The following FRMPD4 variants were observed in gnomAD, a reference collection of about 807,000 sequenced individuals.
FRMPD4 encodes FERM and PDZ domain containing 4.
Under a neutral mutation model 94.1 loss-of-function variants are expected in FRMPD4, and 22 were observed. The ratio of observed to expected loss-of-function variants is 0.23; its 90% CI spans 0.17 to 0.33. The LOEUF (loss-of-function observed/expected upper bound fraction) is 0.33, where lower values mean the gene tolerates loss of function less well. Ranked by LOEUF, FRMPD4 falls within the 10% of genes least tolerant of loss-of-function variation. FRMPD4 has a pLI of 1.00. For synonymous variants in FRMPD4, 631 were observed against 548.6 expected, an observed-to-expected ratio of 1.15 and a Z score of -2.10; for missense variants, 1,111 against 1,339.9, an observed-to-expected ratio of 0.83 and a Z score of 2.67.
At position 12,534,702 on chromosome X, in the gene FRMPD4, G is replaced by A. The variant is rs779415481; in HGVS notation, c.158+35906G>A. 4.9e-3 allele frequency among the ~76,000 whole-genome samples: 553 copies of A among 112,672 alleles called. 5 individuals carry two copies. Among genetic ancestry groups the A allele is most frequent in the African/African-American group, 0.017 (513 of 31,070 alleles). Reference sequence around the variant, plus strand: ...CTTGCATGGGGCCTGTAGCCCCCGTGTTCTGGCCAATTTCTCCCATTTGGG... The same window carrying A: ...CTTGCATGGGGCCTGTAGCCCCCGTATTCTGGCCAATTTCTCCCATTTGGG... On this transcript the variant is annotated intron_variant, in intron 2 of 16. Coordinates refer to ENST00000675598, the MANE Select transcript of FRMPD4 (RefSeq NM_001368397.1).
intron 3 of FRMPD4, among the ~76,000 whole-genome samples, chrX:11,913,802 C>T (rs980405301): frequency 4.5e-5 from 5 of 111,668 alleles, no homozygotes; most frequent in African/African-American, 1.6e-4. Context: ...CAAGAATTTC[C>T]CTGTAGCTAT....
At chrX:12,409,762 G>A (rs2148064630) in intron 1 of FRMPD4, among the ~76,000 whole-genome samples, 1 of 112,073 alleles carries the variant, frequency 8.9e-6, no homozygotes, top group African/African-American at 3.2e-5. Context: ...GAAGGAATTA[G>A]TCCATAAAAT....
intron 3 of FRMPD4, among the ~76,000 whole-genome samples, chrX:12,075,020 A>G (rs1438774024): frequency 8.9e-6 from 1 of 112,240 alleles, no homozygotes; most frequent in Non-Finnish European, 1.9e-5. Context: ...TGGCTAGATC[A>G]TGTCTCCAAT....
chrX:12,452,779 C>G (rs772969615), intron 1 of FRMPD4, among the ~76,000 whole-genome samples: 12 of 111,971 alleles, frequency 1.1e-4, no homozygotes, highest in African/African-American at 3.6e-4. Flanking sequence ...ACTGATGAGA[C>G]TAAAATTGCT....
chrX:12,600,088 G>T (rs1460191872), intron 2 of FRMPD4, among the ~76,000 whole-genome samples: 1 of 110,807 alleles, frequency 9.0e-6, no homozygotes, highest in Non-Finnish European at 1.9e-5. Flanking sequence ...TGAAGGTCTG[G>T]TTGCAAGTTC....
At chrX:12,604,847 G>A (rs1348277070) in intron 2 of FRMPD4, among the ~76,000 whole-genome samples, 1 of 111,057 alleles carries the variant, frequency 9.0e-6, no homozygotes, top group Admixed American at 9.6e-5. Flanking sequence ...CCCCGTGTGT[G>A]TCGTTCCCCT....
intron 1 of FRMPD4, among the ~76,000 whole-genome samples, chrX:12,364,790 G>A (rs182205634): frequency 8.9e-6 from 1 of 112,027 alleles, no homozygotes; most frequent in African/African-American, 3.2e-5. Context: ...CACCAACAAA[G>A]CCATAGAGAC....
chrX:11,856,982 T>A (rs1390827152), intron 1 of FRMPD4, among the ~76,000 whole-genome samples: 1 of 111,485 alleles, frequency 9.0e-6, no homozygotes, highest in Admixed American at 9.5e-5. Flanking sequence ...ATAAAATGCC[T>A]AGGAATACAG....
intron 3 of FRMPD4, among the ~76,000 whole-genome samples, chrX:11,906,449 A>T (rs1023982231): frequency 1.8e-5 from 2 of 111,182 alleles, no homozygotes; most frequent in African/African-American, 3.3e-5. Context: ...ACCCGGCCCA[A>T]TTTCCCTCCA....
intron 3 of FRMPD4, among the ~76,000 whole-genome samples, chrX:11,884,040 G>A (rs1055662245): frequency 1.8e-5 from 2 of 111,477 alleles, no homozygotes; most frequent in Non-Finnish European, 3.8e-5. Flanking sequence ...CTCCCCTGTG[G>A]TGGAGTTGGG....
intron 1 of FRMPD4, among the ~76,000 whole-genome samples, chrX:12,489,337 C>T (rs1187262587): frequency 9.0e-6 from 1 of 111,593 alleles, no homozygotes; most frequent in Non-Finnish European, 1.9e-5. Flanking sequence ...GCCCATGTCC[C>T]CAACAAACAG....
intron 3 of FRMPD4, among the ~76,000 whole-genome samples, chrX:12,111,699 A>G (rs1159744560): frequency 1.8e-5 from 2 of 112,294 alleles, no homozygotes; most frequent in Non-Finnish European, 3.8e-5. Flanking sequence ...TCCAGAATCT[A>G]CAAAGAACTC....
intron 4 of FRMPD4, among the ~76,000 whole-genome samples, chrX:12,672,732 G>A (rs1421305636): frequency 9.0e-6 from 1 of 111,650 alleles, no homozygotes; most frequent in East Asian, 2.8e-4. Flanking sequence ...GAACACATAT[G>A]GCTTCCATCT....
At chrX:12,667,233 T>A (rs761519495) in intron 4 of FRMPD4, among the ~76,000 whole-genome samples, 1 of 112,819 alleles carries the variant, frequency 8.9e-6, no homozygotes, top group Admixed American at 9.4e-5. Context: ...TACTTCCATT[T>A]TTGAAATTTA....
exon 1 of FRMPD4, among the ~76,000 whole-genome samples, chrX:11,822,529 A>G (rs979894994): frequency 4.5e-5 from 5 of 112,046 alleles, no homozygotes; most frequent in African/African-American, 1.6e-4. Flanking sequence ...AGTGTGCAAG[A>G]TGGGGAAAGG....
rs757074257 is a variant in FRMPD4 at position 12,399,875 on chromosome X, C to T, written c.42-98805C>T. Among the ~76,000 whole-genome samples, 269 of 111,646 alleles carry T rather than the reference C, an allele frequency of 2.4e-3. 1 individual carries two copies. Among genetic ancestry groups the T allele is most frequent in the Middle Eastern group, 4.6e-3 (1 of 216 alleles). On this transcript the variant is annotated intron_variant, in intron 1 of 16. Transcript: ENST00000675598. ...TCCAAATATTTATGCTATAACATTA[C>T]ACTTTAATAGAAAGAGGTGATGTTA... is the stretch of plus-strand genomic sequence containing the variant.
intron 1 of FRMPD4, among the ~76,000 whole-genome samples, chrX:12,349,425 C>G (rs56919142): frequency 0.17 from 18,968 of 109,364 alleles, 1,506 homozygotes; most frequent in African/African-American, 0.28. Flanking sequence ...CTCTGGAGTC[C>G]TCCATAGGAT....
intron 1 of FRMPD4, among the ~76,000 whole-genome samples, chrX:12,365,594 C>T (rs1358853860): frequency 9.0e-6 from 1 of 111,423 alleles, no homozygotes; most frequent in African/African-American, 3.3e-5. Flanking sequence ...CTGAGCCTGT[C>T]TTTTTGAGGT....
At chrX:12,221,588 G>A (rs1435761624) in intron 1 of FRMPD4, among the ~76,000 whole-genome samples, 1 of 112,347 alleles carries the variant, frequency 8.9e-6, no homozygotes, top group Non-Finnish European at 1.9e-5. Flanking sequence ...TGAACGATGG[G>A]TAGACTGTCC....
Sources: gnomAD v4.1 joint callset for allele counts (sites outside exome capture counted in the v4.1 genomes callset) on GRCh38, gnomAD v4.1.1 for gene constraint, MANE v1.5 for transcripts, NCBI Gene and HGNC (gene_info 2026-07-23, HGNC 2026-07-21) for gene names.